The following ALMS1 variants were observed in gnomAD, a reference collection of about 807,000 sequenced individuals.
The protein encoded by ALMS1 is centrosome-associated protein ALMS1.
ALMS1 carries 271 observed loss-of-function variants against 352.2 expected under a neutral mutation model. That is an observed-to-expected ratio of 0.77 (90% confidence interval 0.70 to 0.85). The LOEUF is 0.85. Ranked by LOEUF, ALMS1 falls within the 40% of genes least tolerant of loss-of-function variation. The pLI is 0.00. For missense variants in ALMS1, 5,445 were observed against 4,870.7 expected, an observed-to-expected ratio of 1.12 and a Z score of -3.51; for synonymous variants, 1,865 against 1,761.2, an observed-to-expected ratio of 1.06 and a Z score of -1.48.
At chr2:73,552,160 C>T (rs1431571718) in intron 13 of ALMS1, among the ~76,000 whole-genome samples, 3 of 152,096 alleles carry the variant, frequency 2.0e-5, no homozygotes, top group African/African-American at 4.8e-5. Context: ...CCCATTAACT[C>T]GTCATTTAGC....
chr2:73,491,022 C>T lies in ALMS1; in HGVS notation c.9063C>T (p.Ser3021=), dbSNP rs762273689. 3 of 1,614,184 alleles carry T rather than the reference C, an allele frequency of 1.9e-6. No homozygotes were observed. Among genetic ancestry groups the T allele is most frequent in the Middle Eastern group, 1.6e-4 (1 of 6,062 alleles). ...NVEAKFNTVV[S]QSAPNHCTLA... Reference sequence around the variant, plus strand: ...AAGCCAAGTTCAATACTGTGGTCTCCCAGTCAGCCCCAAATCACTGTACAT... The same window carrying T: ...AAGCCAAGTTCAATACTGTGGTCTCTCAGTCAGCCCCAAATCACTGTACAT... The change falls in exon 10 of 23, where the codon TCC becomes TCT. Residue 3021 remains serine, a synonymous_variant. Transcript: ENST00000613296.
At chr2:73,484,831 T>G (rs1270797488) in intron 9 of ALMS1, among the ~76,000 whole-genome samples, 1 of 152,242 alleles carries the variant, frequency 6.6e-6, no homozygotes, top group Non-Finnish European at 1.5e-5. Flanking sequence ...CATTTCTTCT[T>G]CCATCGCTGA....
intron 13 of ALMS1, among the ~76,000 whole-genome samples, chr2:73,554,462 T>C (rs939159239): frequency 2.6e-5 from 4 of 151,804 alleles, no homozygotes; most frequent in African/African-American, 4.8e-5. Flanking sequence ...TCCCAGCAGT[T>C]TGGGGGGCCA....
At chr2:73,461,424 A>G (rs978011231) in intron 9 of ALMS1, among the ~76,000 whole-genome samples, 1 of 152,246 alleles carries the variant, frequency 6.6e-6, no homozygotes, top group Non-Finnish European at 1.5e-5. Flanking sequence ...ACTAACAAAC[A>G]GAAAGGACAT....
chr2:73,571,014 G>A (rs763613746), intron 15 of ALMS1, among the ~76,000 whole-genome samples: 6 of 152,088 alleles, frequency 3.9e-5, no homozygotes, highest in Non-Finnish European at 7.4e-5. Flanking sequence ...TTATATATTT[G>A]TTTGCATTTG....
intron 6 of ALMS1, among the ~76,000 whole-genome samples, chr2:73,430,600 A>G (rs773135252): frequency 2.9e-4 from 44 of 152,212 alleles, no homozygotes; most frequent in Admixed American, 7.9e-4. Context: ...ATATGATGGT[A>G]GTCCCATAAG....
In ALMS1 at chr2:73,483,665, C is replaced by T. The variant is rs946580726; in HGVS notation, c.7675-5969C>T. 1.3e-4 allele frequency among the ~76,000 whole-genome samples: 20 copies of T among 151,162 alleles called. 1 individual carries two copies. Among genetic ancestry groups the T allele is most frequent in the African/African-American group, 4.9e-4 (20 of 40,722 alleles). ...GTCTCGTTGATCTGTCTAATGTTGA[C>T]AGTGGGGTGTTAAAGTCTCCCATGA... On this transcript the variant is annotated intron_variant, in intron 9 of 22. Transcript: ENST00000613296.
At chr2:73,396,395 A>C (rs1035967156) in intron 1 of ALMS1, among the ~76,000 whole-genome samples, 1 of 151,492 alleles carries the variant, frequency 6.6e-6, no homozygotes, top group Non-Finnish European at 1.5e-5. Context: ...ATTGGTCTGT[A>C]GTTTTCTTTT....
intron 9 of ALMS1, chr2:73,456,774 G>A (rs1326603775): frequency 6.6e-6 from 1 of 152,198 alleles, no homozygotes; most frequent in African/African-American, 2.4e-5. Context: ...TGGGCAATTG[G>A]TTGTCTTAGC....
At chr2:73,589,197 ATAAGG>A (rs1318740890) in intron 16 of ALMS1, among the ~76,000 whole-genome samples, 2 of 145,114 alleles carry the variant, frequency 1.4e-5, no homozygotes, top group Non-Finnish European at 3.0e-5. Context: ...CAATAATAGA[ATAAGG>A]TAAGCCAGAT....
intron 11 of ALMS1, among the ~76,000 whole-genome samples, chr2:73,530,064 C>T (rs1673876329): frequency 6.6e-6 from 1 of 152,094 alleles, no homozygotes; most frequent in Admixed American, 6.5e-5. Flanking sequence ...CCATATTATT[C>T]CACTCCTGGC....
chr2:73,491,718 C>T (rs1432812631), intron 10 of ALMS1, among the ~76,000 whole-genome samples: 1 of 152,062 alleles, frequency 6.6e-6, no homozygotes, highest in Non-Finnish European at 1.5e-5. Context: ...TTTGGCAAGA[C>T]TTGACATCAA....
chr2:73,473,527 T>G (rs1262638886), intron 9 of ALMS1, among the ~76,000 whole-genome samples: 1 of 151,778 alleles, frequency 6.6e-6, no homozygotes, highest in East Asian at 1.9e-4. Context: ...TGCAAAGAAG[T>G]AAAAAAGTGT....
chr2:73,466,709 T>C (rs1389112147), intron 9 of ALMS1, among the ~76,000 whole-genome samples: 2 of 152,046 alleles, frequency 1.3e-5, no homozygotes, highest in African/African-American at 4.8e-5. Flanking sequence ...TATGGGAAAT[T>C]TGTGATGTAG....
intron 10 of ALMS1, among the ~76,000 whole-genome samples, chr2:73,513,119 A>T (rs1339095995): frequency 6.6e-6 from 1 of 152,148 alleles, no homozygotes; most frequent in Non-Finnish European, 1.5e-5. Flanking sequence ...CTCCCCAGCA[A>T]GGATGACCCT....
At chr2:73,404,568 G>T in intron 1 of ALMS1, among the ~76,000 whole-genome samples, 1 of 151,858 alleles carries the variant, frequency 6.6e-6, no homozygotes. Flanking sequence ...CCATTAATGT[G>T]GTGTATTACA....
chr2:73,519,594 A>T (rs1325464922), intron 10 of ALMS1, among the ~76,000 whole-genome samples, 181 bp from the exon 11 acceptor site: 1 of 152,234 alleles, frequency 6.6e-6, no homozygotes, highest in Non-Finnish European at 1.5e-5. Context: ...GTGTGATAAC[A>T]TTGTATCAAA....
intron 10 of ALMS1, among the ~76,000 whole-genome samples, chr2:73,506,768 T>C (rs1673336557): frequency 6.6e-6 from 1 of 152,216 alleles, no homozygotes; most frequent in Non-Finnish European, 1.5e-5. Context: ...GAATACCCTT[T>C]ATTTCTTTCC....
At chr2:73,512,005 A>G (rs1029152812) in intron 10 of ALMS1, among the ~76,000 whole-genome samples, 26 of 152,198 alleles carry the variant, frequency 1.7e-4, no homozygotes, top group African/African-American at 6.3e-4. Flanking sequence ...ATTTCCAATA[A>G]CAATGTGTGA....
Sources: gnomAD v4.1 joint callset for allele counts (sites outside exome capture counted in the v4.1 genomes callset) on GRCh38, gnomAD v4.1.1 for gene constraint, MANE v1.5 for transcripts, NCBI Gene and HGNC (gene_info 2026-07-23, HGNC 2026-07-21) for gene names.